Variants in ADK observed in about 807,000 individuals in gnomAD.
ADK encodes N6,N6-dimethyladenosine kinase.
ADK carries 24 observed loss-of-function variants against 44.7 expected under a neutral mutation model. That is an observed-to-expected ratio of 0.54 (90% confidence interval 0.39 to 0.76). The LOEUF (loss-of-function observed/expected upper bound fraction) is 0.76. ADK is among the 30% of genes least tolerant of loss of function. ADK has a pLI of 0.00. For missense variants in ADK, 321 were observed against 425.1 expected (o/e 0.76, Z 2.15); for synonymous variants, 128 against 142.6 (o/e 0.90, Z 0.73).
intron 3 of ADK, among the ~76,000 whole-genome samples, chr10:74,281,392 C>T (rs1196340523): frequency 6.6e-6 from 1 of 152,204 alleles, no homozygotes; most frequent in Non-Finnish European, 1.5e-5. Context: ...GGAAGTTCCC[C>T]ACTTTTTTGG....
chr10:74,540,772 T>C (rs1281251264), intron 7 of ADK, among the ~76,000 whole-genome samples: 3 of 152,184 alleles, frequency 2.0e-5, no homozygotes, highest in Non-Finnish European at 4.4e-5. Context: ...AATTATTGTT[T>C]ATTAAAAATC....
At chr10:74,350,583 G>T (rs111987359) in intron 4 of ADK, among the ~76,000 whole-genome samples, 1 of 151,584 alleles carries the variant, frequency 6.6e-6, no homozygotes. Flanking sequence ...ACTGAAGGAG[G>T]TACAGACATG....
chr10:74,182,348 TTTTATTTATTTA>T (rs370735383), intron 1 of ADK, among the ~76,000 whole-genome samples: 5 of 145,650 alleles, frequency 3.4e-5, no homozygotes, highest in African/African-American at 7.6e-5. Context: ...ACAGAAATCT[TTTTATTTATTTA>T]TTTATTTATT....
At chr10:74,679,110 CA>C (rs1382080755) in intron 10 of ADK, among the ~76,000 whole-genome samples, 1 of 152,180 alleles carries the variant, frequency 6.6e-6, no homozygotes, top group Non-Finnish European at 1.5e-5. Context: ...AGCTAAGATT[CA>C]AACTCAAAAT....
chr10:74,461,962 G>A (rs575351344), intron 6 of ADK, among the ~76,000 whole-genome samples: 4 of 152,148 alleles, frequency 2.6e-5, no homozygotes, highest in Admixed American at 2.0e-4. Flanking sequence ...TCTATTACAG[G>A]TTGCATATGG....
intron 2 of ADK, among the ~76,000 whole-genome samples, chr10:74,209,517 A>G (rs80143651): frequency 0.031 from 4,796 of 152,324 alleles, 270 homozygotes; most frequent in African/African-American, 0.11. Context: ...GGACCAAGAC[A>G]TATACCAAAT....
intron 9 of ADK, among the ~76,000 whole-genome samples, chr10:74,609,660 G>A (rs1185722062): frequency 6.6e-6 from 1 of 152,086 alleles, no homozygotes; most frequent in African/African-American, 2.4e-5. Context: ...GCTGGGAGGT[G>A]CAGACCGGAG....
At chr10:74,610,579 T>A (rs762042551) in intron 9 of ADK, among the ~76,000 whole-genome samples, 1 of 152,200 alleles carries the variant, frequency 6.6e-6, no homozygotes, top group Non-Finnish European at 1.5e-5. Context: ...TATATTTTTA[T>A]TTTTTAAGCA....
chr10:74,401,691 T>C (rs1843720861), intron 6 of ADK, among the ~76,000 whole-genome samples: 1 of 152,200 alleles, frequency 6.6e-6, no homozygotes, highest in South Asian at 2.1e-4. Context: ...CTTGACTCTA[T>C]CCAATTTGCC....
At chr10:74,525,929 A>G (rs931383170) in intron 7 of ADK, among the ~76,000 whole-genome samples, 1 of 152,166 alleles carries the variant, frequency 6.6e-6, no homozygotes, top group African/African-American at 2.4e-5. Flanking sequence ...TGCTAGGATT[A>G]CAGGTATGAG....
chr10:74,366,119 G>A (rs1842489872), intron 4 of ADK, among the ~76,000 whole-genome samples: 1 of 152,058 alleles, frequency 6.6e-6, no homozygotes, highest in Non-Finnish European at 1.5e-5. Flanking sequence ...ACCTTGCCAG[G>A]TTTAATGATT....
At chr10:74,492,542 A>G (rs1351899600) in intron 6 of ADK, among the ~76,000 whole-genome samples, 2 of 152,352 alleles carry the variant, frequency 1.3e-5, no homozygotes, top group South Asian at 4.1e-4. Context: ...ACCAAAACAG[A>G]TAAATAGTAA....
chr10:74,239,708 C>T (rs1261992662), intron 3 of ADK, among the ~76,000 whole-genome samples: 2 of 87,806 alleles, frequency 2.3e-5, no homozygotes, highest in Admixed American at 3.3e-4. Flanking sequence ...AAAGTGAGAC[C>T]TTGTCTCAAA....
chr10:74,190,094 C>T (rs1177909748), intron 1 of ADK, among the ~76,000 whole-genome samples: 1 of 152,144 alleles, frequency 6.6e-6, no homozygotes, highest in Non-Finnish European at 1.5e-5. Context: ...TTTTCTATTT[C>T]CCCTAAGGGT....
intron 10 of ADK, among the ~76,000 whole-genome samples, chr10:74,696,613 G>T (rs1381260891): frequency 6.7e-6 from 1 of 150,118 alleles, no homozygotes; most frequent in African/African-American, 2.5e-5. Context: ...CTTGTGATCT[G>T]CCCGCCTCGG....
chr10:74,189,767 C>G (rs1842895471), intron 1 of ADK, among the ~76,000 whole-genome samples: 1 of 152,176 alleles, frequency 6.6e-6, no homozygotes, highest in South Asian at 2.1e-4. Flanking sequence ...TCCCTAACCT[C>G]TAACCCCTGG....
At chr10:74,410,749 C>CA (rs1844146837) in intron 6 of ADK, among the ~76,000 whole-genome samples, 3 of 152,108 alleles carry the variant, frequency 2.0e-5, no homozygotes, top group South Asian at 4.1e-4. Flanking sequence ...GACCATGGAA[C>CA]AAGCCTTTGT....
chr10:74,573,980 C>T (rs1851075391), intron 7 of ADK, among the ~76,000 whole-genome samples: 2 of 152,212 alleles, frequency 1.3e-5, no homozygotes, highest in African/African-American at 4.8e-5. Flanking sequence ...ATGCCTCGCC[C>T]TGCTTTGGCT....
At chr10:74,699,681 T>C (rs1856347552) in intron 10 of ADK, among the ~76,000 whole-genome samples, 1 of 151,968 alleles carries the variant, frequency 6.6e-6, no homozygotes, top group Non-Finnish European at 1.5e-5. Flanking sequence ...AAAACGATAA[T>C]AATAATTATA....
Sources: gnomAD v4.1 joint callset for allele counts (sites outside exome capture counted in the v4.1 genomes callset) on GRCh38, gnomAD v4.1.1 for gene constraint, MANE v1.5 for transcripts, NCBI Gene and HGNC (gene_info 2026-07-23, HGNC 2026-07-21) for gene names.